NRG1: variants seen among roughly 807,000 people sequenced by gnomAD.
The protein encoded by NRG1 is neuregulin 1.
NRG1 carries 18 observed loss-of-function variants against 63.8 expected under a neutral mutation model. That is an observed-to-expected ratio of 0.28 (90% CI 0.19 to 0.42). The LOEUF (loss-of-function observed/expected upper bound fraction) is 0.42, where lower values mean the gene tolerates loss of function less well. Among genes scored for constraint, NRG1 ranks in the 10% least tolerant of loss-of-function variants. The pLI, the probability that NRG1 is intolerant of heterozygous loss-of-function variation, is 1.00. For missense variants in NRG1, 762 were observed against 814.7 expected (o/e 0.94, Z 0.79); for synonymous variants, 302 against 301.3 (o/e 1.00, Z -0.02).
chr8:32,576,791 A>G (rs930966332), intron 1 of NRG1, among the ~76,000 whole-genome samples: 5 of 151,192 alleles, frequency 3.3e-5, no homozygotes, highest in African/African-American at 1.2e-4. Context: ...CTTATATTTT[A>G]TATTTATATT....
rs141229746 is a variant in NRG1, at chr8:32,483,831, G to A, written c.38-111997G>A. Reference sequence around the variant, plus strand: ...AAAGTTTGGGCAGAAGTGGCCAGGTGCGGTGGCTCACGCCTGTAATCCCAG... The same window carrying A: ...AAAGTTTGGGCAGAAGTGGCCAGGTACGGTGGCTCACGCCTGTAATCCCAG... On this transcript the variant is annotated intron_variant, in intron 1 of 10. Coordinates refer to the NRG1 transcript ENST00000519301. Among the ~76,000 whole-genome samples the A allele has an allele frequency of 9.5e-4, 145 of 152,254 alleles. 1 individual carries two copies. The highest frequency in any genetic ancestry group is 3.2e-3 in the Admixed American group (49 of 15,288).
chr8:32,206,802 C>CTGAG (rs1844113493), intron 1 of NRG1, among the ~76,000 whole-genome samples: 1 of 152,206 alleles, frequency 6.6e-6, no homozygotes, highest in Admixed American at 6.5e-5. Flanking sequence ...CTCCACCCTT[C>CTGAG]TGAGTCTCCA....
Position 32,412,440 on chromosome 8 carries a change from A to ATG in NRG1, c.38-183387_38-183386insGT, listed in dbSNP as rs1174810188. ...TCTCTCTACATATATATATATATAT[A>ATG]TATATATATATACATATATATATAT... On this transcript the variant is annotated intron_variant, in intron 1 of 10. Transcript: ENST00000519301. Among the ~76,000 whole-genome samples the ATG allele has an allele frequency of 6.9e-4, 31 of 45,004 alleles. 1 individual carries two copies. Among genetic ancestry groups the ATG allele is most frequent in the Non-Finnish European group, 1.0e-3 (19 of 19,040 alleles). 29.5% of individuals were successfully genotyped at this position (45,004 alleles called of 152,430 possible).
chr8:32,523,006 T>G (rs1047591980), intron 1 of NRG1, among the ~76,000 whole-genome samples: 1 of 152,156 alleles, frequency 6.6e-6, no homozygotes, highest in Non-Finnish European at 1.5e-5. Context: ...TTCAATATGT[T>G]GTCCAGGCTG....
chr8:32,764,558 T>C, exon 12 of NRG1: 2 of 662,822 alleles, frequency 3.0e-6, no homozygotes, highest in Non-Finnish European at 4.6e-6. Flanking sequence ...TAAAAATGTG[T>C]TATGTGCCAT....
intron 1 of NRG1, among the ~76,000 whole-genome samples, chr8:32,304,130 C>A (rs1321661059): frequency 1.3e-5 from 2 of 152,142 alleles, no homozygotes; most frequent in African/African-American, 4.8e-5. Context: ...TTTTAAAATT[C>A]TTCTGAGTGT....
chr8:32,103,226 A>G (rs1189134001), intron 1 of NRG1, among the ~76,000 whole-genome samples: 4 of 152,030 alleles, frequency 2.6e-5, no homozygotes, highest in South Asian at 2.1e-4. Flanking sequence ...TCCATTCTCT[A>G]TCTCCATGGG....
intron 1 of NRG1, among the ~76,000 whole-genome samples, chr8:32,097,081 A>G (rs1422766431): frequency 6.6e-6 from 1 of 152,160 alleles, no homozygotes; most frequent in African/African-American, 2.4e-5. Flanking sequence ...CCACATATGA[A>G]TGAGAACATG....
intron 1 of NRG1, among the ~76,000 whole-genome samples, chr8:31,957,190 G>GTTTTT (rs5890609): frequency 3.2e-4 from 48 of 147,980 alleles, no homozygotes; most frequent in African/African-American, 1.2e-3. Flanking sequence ...AAATCAAAGA[G>GTTTTT]TTTTTTTTTT....
intron 1 of NRG1, among the ~76,000 whole-genome samples, chr8:31,917,756 T>G (rs1290565276): frequency 8.6e-5 from 13 of 152,042 alleles, no homozygotes; most frequent in African/African-American, 2.9e-4. Context: ...GTCATTGGTA[T>G]CTTGATGGGG....
intron 1 of NRG1, among the ~76,000 whole-genome samples, chr8:32,111,748 G>A (rs1832056299): frequency 6.6e-6 from 1 of 152,176 alleles, no homozygotes; most frequent in African/African-American, 2.4e-5. Flanking sequence ...TCCACATGGG[G>A]AGTGAGAAAA....
intron 1 of NRG1, among the ~76,000 whole-genome samples, chr8:32,068,313 A>G (rs535530874): frequency 1.7e-4 from 26 of 152,328 alleles, no homozygotes; most frequent in African/African-American, 4.8e-4. Flanking sequence ...AGGTGGGATT[A>G]GTAATTGCAA....
intron 1 of NRG1, among the ~76,000 whole-genome samples, chr8:32,453,926 G>T (rs538776919): frequency 2.0e-5 from 3 of 152,186 alleles, no homozygotes; most frequent in Non-Finnish European, 4.4e-5. Flanking sequence ...AACAAACATT[G>T]GATGTAATCC....
chr8:32,062,069 T>C (rs897818372), intron 1 of NRG1, among the ~76,000 whole-genome samples: 7 of 152,058 alleles, frequency 4.6e-5, no homozygotes, highest in Admixed American at 3.3e-4. Flanking sequence ...TCATGCACTT[T>C]CGAGGCATGT....
At position 32,548,749 on chromosome 8, in the gene NRG1, G is replaced by A. The variant is rs1305077997; in HGVS notation, c.23G>A (p.Arg8Lys). 4.4e-6 allele frequency: 7 copies of A among 1,589,004 alleles called. No homozygotes were observed. In the South Asian group the frequency reaches 5.7e-5, roughly 13 times the overall value. ...GAGATGTCCGAGCGCAAAGAAGGCA[G>A]AGGCAAAGGGAAGGGCAAGAAGAAG... The change falls in exon 1 of 12, where the codon AGA becomes AAA. Residue 8 changes from arginine (R) to lysine (K), a missense_variant. Coordinates refer to ENST00000356819, the Ensembl canonical transcript of NRG1.
intron 1 of NRG1, among the ~76,000 whole-genome samples, chr8:32,056,279 TAAGA>T (rs1822923317): frequency 6.6e-6 from 1 of 152,174 alleles, no homozygotes; most frequent in Non-Finnish European, 1.5e-5. Context: ...GTCTTCCAAT[TAAGA>T]TGGTTTTAAC....
intron 1 of NRG1, among the ~76,000 whole-genome samples, chr8:32,318,268 A>C (rs533930656): frequency 6.6e-6 from 1 of 152,314 alleles, no homozygotes; most frequent in East Asian, 1.9e-4. Flanking sequence ...ACAAGTTATG[A>C]ATTCCTTGAA....
intron 5 of NRG1, among the ~76,000 whole-genome samples, chr8:32,666,925 T>C (rs1804325994): frequency 6.6e-6 from 1 of 152,242 alleles, no homozygotes; most frequent in African/African-American, 2.4e-5. Context: ...TTCACGTGTA[T>C]TGCAACATGC....
rs993954690 is a variant in NRG1 at position 31,928,040 on chromosome 8, G to T, written c.37+288609G>T. 2.0e-5 allele frequency among the ~76,000 whole-genome samples: 3 copies of T among 148,138 alleles called. No homozygotes were observed. The East Asian group carries it at 5.9e-4, about 29-fold the overall frequency. On this transcript the variant is annotated intron_variant, in intron 1 of 10. Transcript: ENST00000519301. ...TGTTATCTCAGTATGTTTTTATTAT[G>T]CAAATTTCCTCTAAATAATGAAAGC...
Sources: gnomAD v4.1 joint callset for allele counts (sites outside exome capture counted in the v4.1 genomes callset) on GRCh38, gnomAD v4.1.1 for gene constraint, MANE v1.5 for transcripts, NCBI Gene and HGNC (gene_info 2026-07-23, HGNC 2026-07-21) for gene names.